RNF220: variants seen among roughly 807,000 people sequenced by gnomAD.
RNF220 encodes ring finger protein 220.
Under a neutral mutation model 67.1 loss-of-function variants are expected in RNF220, and 7 were observed. That is an observed-to-expected ratio of 0.10 (90% CI 0.06 to 0.20). The LOEUF is 0.20. Among genes scored for constraint, RNF220 ranks in the 10% least tolerant of loss-of-function variants. The probability of loss-of-function intolerance (pLI) is 1.00; values close to 1 mark genes in which losing one functional copy is unlikely to be tolerated. For missense variants in RNF220, 565 were observed against 740.3 expected (o/e 0.76, Z 2.75); for synonymous variants, 270 against 283.2 (o/e 0.95, Z 0.47).
intron 2 of RNF220, among the ~76,000 whole-genome samples, chr1:44,501,773 G>C (rs567439850): frequency 2.6e-5 from 4 of 152,192 alleles, no homozygotes; most frequent in South Asian, 4.1e-4. Flanking sequence ...TGCAGGAGAG[G>C]GGGGCTGGGT....
chr1:44,614,900 C>CA (rs1427405017), intron 3 of RNF220, among the ~76,000 whole-genome samples: 2 of 152,152 alleles, frequency 1.3e-5, no homozygotes, highest in Non-Finnish European at 2.9e-5. Flanking sequence ...AAAATCTTAG[C>CA]AGTTTAAAGC....
intron 2 of RNF220, among the ~76,000 whole-genome samples, chr1:44,546,518 G>A (rs962236363): frequency 6.6e-6 from 1 of 152,172 alleles, no homozygotes; most frequent in Non-Finnish European, 1.5e-5. Context: ...GGAAGCCATT[G>A]TTTACAGACG....
At chr1:44,448,172 G>A (rs1008895388) in intron 2 of RNF220, among the ~76,000 whole-genome samples, 7 of 152,146 alleles carry the variant, frequency 4.6e-5, no homozygotes, top group East Asian at 1.9e-4. Context: ...GGTGGTGTGC[G>A]CTTGTAATCC....
rs577428429 is a variant in RNF220 at position 44,606,122 on chromosome 1, G to A, written c.626-8043G>A. 3.3e-5 allele frequency among the ~76,000 whole-genome samples: 5 copies of A among 152,340 alleles called. No individual in the cohort carries two copies. The South Asian group carries it at 6.2e-4, about 19-fold the overall frequency. ...CATTCAAATCCGCTGCCCCGCCCCA[G>A]CGGGAGGCCCCAGCCAGACAAGTGT... On this transcript the variant is annotated intron_variant, in intron 2 of 14. Coordinates refer to ENST00000361799, the MANE Select transcript of RNF220 (RefSeq NM_018150.4). The surrounding 1 kb of genome is among the most constrained non-coding windows in gnomAD (Gnocchi z 4.2).
At chr1:44,599,020 C>T (rs1346207586) in intron 2 of RNF220, among the ~76,000 whole-genome samples, 3 of 151,970 alleles carry the variant, frequency 2.0e-5, no homozygotes, top group African/African-American at 7.3e-5. Context: ...TTCACTTAGT[C>T]CCTGAATCAT....
At chr1:44,500,034 C>T (rs149839270) in intron 2 of RNF220, among the ~76,000 whole-genome samples, 231 of 152,308 alleles carry the variant, frequency 1.5e-3, no homozygotes, top group African/African-American at 5.4e-3. Context: ...GCCACTACTA[C>T]TATCTCTCAC....
intron 2 of RNF220, among the ~76,000 whole-genome samples, chr1:44,512,507 A>C (rs1659093144): frequency 6.6e-6 from 1 of 152,174 alleles, no homozygotes; most frequent in African/African-American, 2.4e-5. Context: ...ACGGCCCCTA[A>C]GGGGGTTAGC....
At chr1:44,523,839 C>T (rs1349410615) in intron 2 of RNF220, among the ~76,000 whole-genome samples, 2 of 152,202 alleles carry the variant, frequency 1.3e-5, no homozygotes, top group African/African-American at 2.4e-5. Flanking sequence ...TCGTCCATCC[C>T]GAGCCTGAGA....
At chr1:44,423,410 T>C (rs1296148668) in intron 2 of RNF220, among the ~76,000 whole-genome samples, 1 of 152,220 alleles carries the variant, frequency 6.6e-6, no homozygotes, top group African/African-American at 2.4e-5. Context: ...CCAGGCATTC[T>C]TGAGAATATC....
intron 2 of RNF220, among the ~76,000 whole-genome samples, chr1:44,465,580 A>AT (rs1346537861): frequency 2.0e-5 from 3 of 151,872 alleles, no homozygotes; most frequent in African/African-American, 7.3e-5. Flanking sequence ...GCAATATGCC[A>AT]TTTTTTACCT....
At chr1:44,452,509 G>T (rs560515115) in intron 2 of RNF220, among the ~76,000 whole-genome samples, 5 of 152,098 alleles carry the variant, frequency 3.3e-5, no homozygotes, top group African/African-American at 1.2e-4. Context: ...AGCCGAGATC[G>T]CGCCACTGCA....
Position 44,614,517 on chromosome 1 carries a change from C to T in RNF220, c.758+220C>T, listed in dbSNP as rs376124414. Among the ~76,000 whole-genome samples the T allele has an allele frequency of 4.0e-4, 61 of 152,260 alleles. No individual in the cohort carries two copies. In the East Asian group the frequency reaches 6.8e-3, roughly 17 times the overall value. ...TTTTTGGAGATGGGAGGAGAGTGACCCCGCAGGCCCCAGCCTCAAAGGAAA... is the reference window on the plus strand; with the variant it reads ...TTTTTGGAGATGGGAGGAGAGTGACTCCGCAGGCCCCAGCCTCAAAGGAAA... On this transcript the variant is annotated intron_variant, in intron 3 of 14. Coordinates refer to ENST00000361799, the MANE Select transcript of RNF220 (RefSeq NM_018150.4).
chr1:44,575,310 A>G (rs115298382), intron 2 of RNF220, among the ~76,000 whole-genome samples: 1,529 of 152,336 alleles, frequency 0.01, 34 homozygotes, highest in African/African-American at 0.035. Flanking sequence ...CACTTAAACA[A>G]TGATCTTCAC....
In RNF220 at chr1:44,626,417, T is replaced by C; in HGVS notation, c.906+19T>C. On this transcript the variant is annotated intron_variant, in intron 5 of 14. Coordinates refer to ENST00000361799, the MANE Select transcript of RNF220 (RefSeq NM_018150.4). The stretch of plus-strand genomic sequence containing the variant: ...ATACCAGGTGAGGAGGGGTGGTGAG[T>C]GGCCATGAGAAGCAAGCTCACCTGG... 1 of 1,596,956 alleles carries C rather than the reference T, an allele frequency of 6.3e-7. No homozygotes were observed. Among genetic ancestry groups the C allele is most frequent in the Non-Finnish European group, 8.6e-7 (1 of 1,164,952 alleles).
At chr1:44,619,708 T>C (rs1643713047) in intron 3 of RNF220, among the ~76,000 whole-genome samples, 1 of 151,824 alleles carries the variant, frequency 6.6e-6, no homozygotes, top group African/African-American at 2.4e-5. Flanking sequence ...GCTGTGGAAA[T>C]AGGGAGGGAT....
intron 2 of RNF220, among the ~76,000 whole-genome samples, chr1:44,563,687 G>GT (rs1663765273): frequency 6.6e-6 from 1 of 152,130 alleles, no homozygotes; most frequent in Non-Finnish European, 1.5e-5. Flanking sequence ...CTCTGAACCT[G>GT]TTTCACCATC....
chr1:44,535,921 T>C (rs1421695188), intron 2 of RNF220, among the ~76,000 whole-genome samples: 1 of 152,148 alleles, frequency 6.6e-6, no homozygotes, highest in Non-Finnish European at 1.5e-5. Context: ...TCCTAGAATA[T>C]ATGAGAACTC....
chr1:44,425,476 G>A (rs896663909), intron 2 of RNF220, among the ~76,000 whole-genome samples: 2 of 152,082 alleles, frequency 1.3e-5, no homozygotes, highest in Non-Finnish European at 2.9e-5. Flanking sequence ...TACTCACTTG[G>A]ACATAGTCTG....
At chr1:44,543,310 G>A (rs934575303) in intron 2 of RNF220, among the ~76,000 whole-genome samples, 2 of 151,910 alleles carry the variant, frequency 1.3e-5, no homozygotes, top group Admixed American at 1.3e-4. Flanking sequence ...GGCTAGTGTT[G>A]TTGACATGGG....
Sources: gnomAD v4.1 joint callset for allele counts (sites outside exome capture counted in the v4.1 genomes callset) on GRCh38, gnomAD v4.1.1 for gene constraint, Gnocchi (gnomAD v3.1) non-coding constraint, MANE v1.5 for transcripts, NCBI Gene and HGNC (gene_info 2026-07-23, HGNC 2026-07-21) for gene names.